The following IPO7 variants were observed in gnomAD, a reference collection of about 807,000 sequenced individuals.
IPO7 encodes the protein importin 7.
In IPO7, 13 loss-of-function variants were observed where a neutral mutation model predicts 136.4. The ratio of observed to expected loss-of-function variants is 0.10; its 90% CI spans 0.06 to 0.15. The LOEUF is 0.15. IPO7 is among the 10% of genes least tolerant of loss of function. IPO7 has a pLI of 1.00. For synonymous variants in IPO7, 403 were observed against 404.4 expected (o/e 1.00, Z 0.04); for missense variants, 857 against 1,240.6 (o/e 0.69, Z 4.65).
intron 16 of IPO7, among the ~76,000 whole-genome samples, chr11:9,432,507 C>G (rs1032112964): frequency 6.6e-6 from 1 of 152,140 alleles, no homozygotes; most frequent in African/African-American, 2.4e-5. Context: ...GCCACGTAAA[C>G]TGTTTTTGTA....
intron 20 of IPO7, among the ~76,000 whole-genome samples, chr11:9,437,289 G>T (rs1353533033): frequency 6.6e-6 from 1 of 151,442 alleles, no homozygotes; most frequent in Admixed American, 6.6e-5. Context: ...ACAGAGTCTC[G>T]CTCTGTCGCT....
intron 2 of IPO7, among the ~76,000 whole-genome samples, chr11:9,405,004 T>G (rs1219325687): frequency 3.3e-5 from 5 of 152,222 alleles, no homozygotes; most frequent in Admixed American, 2.6e-4. Context: ...ACTAAAATGT[T>G]GCCTAGTACA....
intron 12 of IPO7, 125 bp downstream of exon 12, chr11:9,425,387 G>T: frequency 1.5e-6 from 1 of 661,542 alleles, no homozygotes; most frequent in Non-Finnish European, 2.7e-6. Context: ...CAGGCAGATT[G>T]CCTGAGCCCA....
chr11:9,427,475 G>C (rs961063071), intron 12 of IPO7, among the ~76,000 whole-genome samples: 3 of 152,148 alleles, frequency 2.0e-5, no homozygotes, highest in African/African-American at 7.2e-5. Flanking sequence ...GGCCTGGCTG[G>C]TCTCGAACTC....
chr11:9,396,344 C>T (rs536869578), intron 1 of IPO7, among the ~76,000 whole-genome samples: 127 of 152,228 alleles, frequency 8.3e-4, no homozygotes, highest in African/African-American at 2.9e-3. Flanking sequence ...TGCAGTGAGC[C>T]GAGATTGCGC....
chr11:9,445,289 C>A lies in IPO7; in HGVS notation c.*95C>A. The A allele has an allele frequency of 1.9e-6, 1 of 537,766 alleles. No individual in the cohort carries two copies. Among genetic ancestry groups the A allele is most frequent in the South Asian group, 1.8e-5 (1 of 56,126 alleles). The allele number at this position is 537,766 out of a possible 1,614,324, so 33.3% of individuals were successfully genotyped here. ...ACTGGTTCATGTTATCTATTCTAAA[C>A]TAATAATCAATAGATGGACAAAAGA... On this transcript the variant is annotated 3_prime_UTR_variant, in exon 25 of 25. Transcript: ENST00000379719.
intron 16 of IPO7, among the ~76,000 whole-genome samples, chr11:9,431,980 A>C (rs1855300734): frequency 6.6e-6 from 1 of 152,024 alleles, no homozygotes; most frequent in South Asian, 2.1e-4. Flanking sequence ...GTGTCAGAAA[A>C]GAAAGAAAGA....
chr11:9,391,814 G>A lies in IPO7; in HGVS notation c.84+6967G>A, dbSNP rs573180799. ...AGGGTTTCACACTGTTACCCAGGCT[G>A]GAGTGCAGTAGTATGAACATGGCTC... On this transcript the variant is annotated intron_variant, in intron 1 of 24. Transcript: ENST00000379719. Among the ~76,000 whole-genome samples the A allele has an allele frequency of 3.4e-4, 52 of 152,272 alleles. 1 individual carries two copies. The South Asian group carries it at 0.011, about 32-fold the overall frequency.
intron 1 of IPO7, among the ~76,000 whole-genome samples, chr11:9,385,120 C>G (rs899954187): frequency 6.6e-6 from 1 of 152,148 alleles, no homozygotes; most frequent in African/African-American, 2.4e-5. Flanking sequence ...GCGGGCGTGA[C>G]GGGTTGGACA....
chr11:9,429,987 G>T (rs1170454164), intron 15 of IPO7, among the ~76,000 whole-genome samples, 153 bp downstream of exon 15: 1 of 152,154 alleles, frequency 6.6e-6, no homozygotes, highest in Non-Finnish European at 1.5e-5. Context: ...TCCACAGATG[G>T]TCCGGGGGAG....
intron 1 of IPO7, among the ~76,000 whole-genome samples, chr11:9,398,434 G>T (rs1031048575): frequency 2.0e-5 from 3 of 152,172 alleles, no homozygotes; most frequent in African/African-American, 7.2e-5. Context: ...GGCAGAAAAG[G>T]CTTCTGTAAG....
chr11:9,409,253 C>T (rs916986269), intron 3 of IPO7, among the ~76,000 whole-genome samples: 3 of 151,782 alleles, frequency 2.0e-5, no homozygotes, highest in Non-Finnish European at 2.9e-5. Context: ...GGATTACAGG[C>T]GTGCACCAGC....
At chr11:9,385,200 C>G (rs958483793) in intron 1 of IPO7, among the ~76,000 whole-genome samples, 1 of 151,996 alleles carries the variant, frequency 6.6e-6, no homozygotes, top group African/African-American at 2.4e-5. Flanking sequence ...CAGGAGGGGG[C>G]GAAACTTACT....
intron 16 of IPO7, among the ~76,000 whole-genome samples, chr11:9,431,664 C>A (rs1233927397): frequency 6.6e-6 from 1 of 151,990 alleles, no homozygotes; most frequent in Admixed American, 6.6e-5. Flanking sequence ...TTAAATAACT[C>A]CATTTTTTAA....
chr11:9,424,519 A>T (rs1855176286), intron 10 of IPO7, among the ~76,000 whole-genome samples: 1 of 152,204 alleles, frequency 6.6e-6, no homozygotes, highest in Non-Finnish European at 1.5e-5. Context: ...CGAGGCAGGC[A>T]GATCGTTTGA....
At chr11:9,413,138 A>G (rs1474242265) in intron 4 of IPO7, among the ~76,000 whole-genome samples, 2 of 152,052 alleles carry the variant, frequency 1.3e-5, no homozygotes, top group East Asian at 1.9e-4. Context: ...TCGGCCTCCC[A>G]AAGTGCTAGG....
rs995451471 is a variant in IPO7 at position 9,402,293 on chromosome 11, A to G, written c.85-997A>G. Among the ~76,000 whole-genome samples the G allele has an allele frequency of 4.7e-5, 7 of 147,566 alleles. No homozygotes were observed. In the South Asian group the frequency reaches 1.3e-3, roughly 28 times the overall value. On this transcript the variant is annotated intron_variant, in intron 1 of 24. Coordinates refer to ENST00000379719, the MANE Select transcript of IPO7 (RefSeq NM_006391.3). The stretch of plus-strand genomic sequence containing the variant: ...CACGTGCCTGTAGTCTCAGCTACTC[A>G]GGAGGCTGAGGCAGAAGAATCGCTT...
At chr11:9,400,165 G>A (rs1854772493) in intron 1 of IPO7, among the ~76,000 whole-genome samples, 1 of 152,048 alleles carries the variant, frequency 6.6e-6, no homozygotes, top group African/African-American at 2.4e-5. Flanking sequence ...AGTACTGTTT[G>A]TATTATTTTT....
At position 9,431,462 on chromosome 11, in the gene IPO7, T is replaced by TG. The variant is rs1266255523; in HGVS notation, c.1881+461dup. On this transcript the variant is annotated intron_variant, in intron 16 of 24. Coordinates refer to ENST00000379719, the MANE Select transcript of IPO7 (RefSeq NM_006391.3). ...TTTGGAAAAGTAAGAATTGTAATAA[T>TG]GGATTTTTTTTTTTTTGAGATGGAG... Among the ~76,000 whole-genome samples, 153 of 127,498 alleles carry TG rather than the reference T, an allele frequency of 1.2e-3. 1 individual carries two copies. Among genetic ancestry groups the TG allele is most frequent in the African/African-American group, 3.6e-3 (140 of 39,270 alleles). 83.6% of individuals were successfully genotyped at this position (127,498 alleles called of 152,430 possible). A position where few individuals can be genotyped will look rare whatever the true frequency, so the allele number is the denominator to read the frequency against.
Sources: gnomAD v4.1 joint callset for allele counts (sites outside exome capture counted in the v4.1 genomes callset) on GRCh38, gnomAD v4.1.1 for gene constraint, MANE v1.5 for transcripts, NCBI Gene and HGNC (gene_info 2026-07-23, HGNC 2026-07-21) for gene names.